The following FAM83B variants were observed in gnomAD, a reference collection of about 807,000 sequenced individuals.
FAM83B encodes the protein protein FAM83B.
A neutral mutation model predicts 38.8 loss-of-function variants in FAM83B; 26 were observed. That is an observed-to-expected ratio of 0.67 (90% confidence interval 0.49 to 0.93). The LOEUF is 0.93. FAM83B is among the 40% of genes least tolerant of loss of function. The pLI, the probability that FAM83B is intolerant of heterozygous loss-of-function variation, is 0.00. For missense variants in FAM83B, 1,237 were observed against 1,197.3 expected, an observed-to-expected ratio of 1.03 and a Z score of -0.49; for synonymous variants, 419 against 423.1, an observed-to-expected ratio of 0.99 and a Z score of 0.12.
At chr6:54,911,811 C>A (rs1280181183) in intron 2 of FAM83B, among the ~76,000 whole-genome samples, 1 of 151,988 alleles carries the variant, frequency 6.6e-6, no homozygotes, top group Admixed American at 6.5e-5. Flanking sequence ...TTCATTTGCC[C>A]AAATTGAAAT....
intron 2 of FAM83B, among the ~76,000 whole-genome samples, chr6:54,914,953 T>A (rs1773001309): frequency 6.6e-6 from 1 of 152,170 alleles, no homozygotes; most frequent in South Asian, 2.1e-4. Context: ...TTTTAGCATA[T>A]TTGTATAACT....
chr6:54,876,299 A>T (rs1464653987), intron 2 of FAM83B, among the ~76,000 whole-genome samples: 1 of 48,086 alleles, frequency 2.1e-5, no homozygotes, highest in Non-Finnish European at 4.8e-5. Context: ...ATATATATAT[A>T]TATATATATA....
rs754857402 is a variant in FAM83B, at chr6:54,942,037, C to G, written c.*30C>G. 2.6e-6 allele frequency: 4 copies of G among 1,558,922 alleles called. No homozygotes were observed. The Admixed American group carries it at 7.9e-5, about 31-fold the overall frequency. On this transcript the variant is annotated 3_prime_UTR_variant, in exon 5 of 5. Transcript: ENST00000306858. ...TAAAATGCAAAATGAATGAGGCTAT[C>G]AATATTTGTCCAAAGAAAATTGTGG...
chr6:54,874,334 A>T (rs931084584), intron 2 of FAM83B, among the ~76,000 whole-genome samples: 2 of 152,152 alleles, frequency 1.3e-5, no homozygotes, highest in Admixed American at 1.3e-4. Context: ...GGAAAATTCA[A>T]TTGTAGATAA....
chr6:54,940,417 A>C lies in FAM83B; in HGVS notation c.1446A>C (p.Pro482=), dbSNP rs140860872. ...TCCGCTTTTTGCAACAACGAATGCCAACCCTTGAACATACCACAAAGTCAT... is the reference window on the plus strand; with the variant it reads ...TCCGCTTTTTGCAACAACGAATGCCCACCCTTGAACATACCACAAAGTCAT... ...NHIRFLQQRM[P]TLEHTTKSFL... Residue 482 remains proline, a synonymous_variant, in exon 5 of 5, where the codon CCA becomes CCC. Transcript: ENST00000306858. 3.3e-5 allele frequency: 54 copies of C among 1,614,106 alleles called. No individual in the cohort carries two copies. In the African/African-American group the frequency reaches 6.1e-4, roughly 18 times the overall value.
intron 4 of FAM83B, among the ~76,000 whole-genome samples, chr6:54,934,927 C>A (rs1353158742): frequency 6.6e-6 from 1 of 152,162 alleles, no homozygotes; most frequent in Non-Finnish European, 1.5e-5. Context: ...CTCATGCAAA[C>A]TTCCTATAAG....
chr6:54,898,032 A>G (rs1772578718), intron 2 of FAM83B, among the ~76,000 whole-genome samples: 2 of 152,114 alleles, frequency 1.3e-5, no homozygotes, highest in Non-Finnish European at 1.5e-5. Flanking sequence ...TATAACTAAT[A>G]TATTTATTTT....
At chr6:54,872,744 C>G (rs867222034) in intron 2 of FAM83B, among the ~76,000 whole-genome samples, 6 of 152,248 alleles carry the variant, frequency 3.9e-5, no homozygotes, top group Non-Finnish European at 8.8e-5. Flanking sequence ...GGTCACTGTC[C>G]GTTGAGGACT....
chr6:54,874,170 C>G (rs1771932449), intron 2 of FAM83B, among the ~76,000 whole-genome samples: 1 of 151,944 alleles, frequency 6.6e-6, no homozygotes, highest in Admixed American at 6.6e-5. Context: ...AGAATGTGAT[C>G]TTTATAGTAT....
chr6:54,870,280 G>C lies in FAM83B; in HGVS notation c.34G>C (p.Asp12His). 6.2e-7 allele frequency: 1 copy of C among 1,613,820 alleles called. No homozygotes were observed. The highest frequency in any genetic ancestry group is 8.5e-7 in the Non-Finnish European group (1 of 1,179,814). Residue 12 changes from aspartate (D) to histidine (H), a missense_variant, in exon 2 of 5, where the codon GAT becomes CAT. Transcript: ENST00000306858. Reference sequence around the variant, plus strand: ...CTCATCAATGCTTTCCTCATTGAATGATGAGTGTAAATCTGACAACTACAT... The same window carrying C: ...CTCATCAATGCTTTCCTCATTGAATCATGAGTGTAAATCTGACAACTACAT... ...ETSSMLSSLNDECKSDNYIEP... is the reference protein window; with the variant it reads ...ETSSMLSSLNHECKSDNYIEP...
intron 2 of FAM83B, among the ~76,000 whole-genome samples, chr6:54,893,723 A>G (rs1772456289): frequency 6.6e-6 from 1 of 152,314 alleles, no homozygotes; most frequent in African/African-American, 2.4e-5. Flanking sequence ...AAGCATAGAT[A>G]TATATAGATA....
chr6:54,901,577 A>T (rs370074884), intron 2 of FAM83B, among the ~76,000 whole-genome samples: 1 of 152,196 alleles, frequency 6.6e-6, no homozygotes, highest in Non-Finnish European at 1.5e-5. Context: ...CTTATTAAAA[A>T]TTTCATTGTT....
At chr6:54,926,311 A>G in intron 2 of FAM83B, 60 bp from the exon 3 acceptor site, 1 of 1,178,670 alleles carries the variant, frequency 8.5e-7, no homozygotes, top group South Asian at 1.9e-5. Context: ...AAAGTAAGCA[A>G]TTTCTTAAAT....
chr6:54,926,637 A>C (rs1773292747), intron 3 of FAM83B, 102 bp downstream of exon 3: 2 of 704,614 alleles, frequency 2.8e-6, no homozygotes, highest in Non-Finnish European at 4.2e-6. Flanking sequence ...ACTGAAAAAC[A>C]AAAAAAAATA....
intron 1 of FAM83B, among the ~76,000 whole-genome samples, chr6:54,869,214 G>C (rs1276475104): frequency 6.6e-6 from 1 of 152,154 alleles, no homozygotes; most frequent in African/African-American, 2.4e-5. Flanking sequence ...CGTATACTCT[G>C]TCCAGTCACT....
chr6:54,849,373 T>C (rs1274755223), intron 1 of FAM83B, among the ~76,000 whole-genome samples: 4 of 151,788 alleles, frequency 2.6e-5, no homozygotes, highest in Non-Finnish European at 5.9e-5. Flanking sequence ...TGCTGTGGGC[T>C]CCTGAGACAA....
chr6:54,849,133 G>A (rs1581874188), intron 1 of FAM83B, among the ~76,000 whole-genome samples: 1 of 152,336 alleles, frequency 6.6e-6, no homozygotes, highest in Non-Finnish European at 1.5e-5. Flanking sequence ...AGTTCTAAAT[G>A]ATGGTTATTC....
At chr6:54,916,758 C>G (rs1406751541) in intron 2 of FAM83B, among the ~76,000 whole-genome samples, 2 of 152,158 alleles carry the variant, frequency 1.3e-5, no homozygotes, top group East Asian at 3.9e-4. Context: ...CTGGATAGTA[C>G]ACAGATGAAT....
At chr6:54,895,073 C>T (rs922374594) in intron 2 of FAM83B, among the ~76,000 whole-genome samples, 1 of 152,248 alleles carries the variant, frequency 6.6e-6, no homozygotes. Context: ...CCAAGACTGA[C>T]ACCTAAGTCT....
Sources: allele counts gnomAD v4.1 joint callset (sites outside exome capture counted in the v4.1 genomes callset), GRCh38; gene constraint gnomAD v4.1.1; transcripts MANE v1.5; gene names NCBI Gene and HGNC (gene_info 2026-07-23, HGNC 2026-07-21).